Variants in MRPL10 observed in about 807,000 individuals in gnomAD.
MRPL10 encodes mitochondrial ribosomal protein L10, also known as large ribosomal subunit protein uL10m.
MRPL10 carries 14 observed loss-of-function variants against 19.8 expected under a neutral mutation model. The observed-to-expected ratio is 0.71, with a 90% CI of 0.47 to 1.11. MRPL10 has a LOEUF of 1.11. Ranked by LOEUF, MRPL10 falls within the 50% of genes least tolerant of loss-of-function variation. The pLI is 0.00. For missense variants in MRPL10, 318 were observed against 339.6 expected (o/e 0.94, Z 0.50); for synonymous variants, 129 against 139.2 (o/e 0.93, Z 0.52).
At chr17:47,831,428 G>A (rs1333324433) in intron 1 of MRPL10, 32 bp downstream of exon 1, 1 of 1,548,146 alleles carries the variant, frequency 6.5e-7, no homozygotes, top group Non-Finnish European at 8.7e-7. Context: ...GCGGCCGCAA[G>A]ACACGCCGTG....
intron 2 of MRPL10, among the ~76,000 whole-genome samples, chr17:47,827,894 C>CAA (rs60303077): frequency 0.042 from 1,913 of 45,696 alleles, 531 homozygotes; most frequent in African/African-American, 0.12. Flanking sequence ...CTCTGTCTCA[C>CAA]AAAAAAAAAA....
chr17:47,828,252 TA>T lies in MRPL10; in HGVS notation c.222+248del, dbSNP rs2033567203. The T allele has an allele frequency of 8.6e-6, 3 of 350,540 alleles. No homozygotes were observed. In the South Asian group the frequency reaches 3.5e-4, roughly 41 times the overall value. The allele number at this position is 350,540 out of a possible 1,614,324, so 21.7% of individuals were successfully genotyped here. On this transcript the variant is annotated intron_variant, in intron 2 of 4. Transcript: ENST00000351111. The stretch of plus-strand genomic sequence containing the variant: ...AGATACTCTCCCCAGCCCCACCTGC[TA>T]GGGTAGCTCTCACACACACATTTTT...
chr17:47,825,750 G>A (rs1417599974), intron 4 of MRPL10, among the ~76,000 whole-genome samples: 6 of 152,190 alleles, frequency 3.9e-5, no homozygotes, highest in Non-Finnish European at 8.8e-5. Flanking sequence ...TACTTAACAC[G>A]GAACTGTACA....
At position 47,828,557 on chromosome 17, in the gene MRPL10, G is replaced by T; in HGVS notation, c.166C>A (p.Pro56Thr). 1.3e-5 allele frequency: 20 copies of T among 1,496,672 alleles called. No individual in the cohort carries two copies. Among genetic ancestry groups the T allele is most frequent in the Non-Finnish European group, 1.8e-5 (20 of 1,127,574 alleles). The allele number at this position is 1,496,672 out of a possible 1,614,324, so 92.7% of individuals were successfully genotyped here. A position where few individuals can be genotyped will look rare whatever the true frequency, so the allele number is the denominator to read the frequency against. The part of the protein sequence containing the change: ...KLMAVTEYIP[P>T]KPAIHPSCLP... ...CATGATGGGTGGATGGCTGGTTTCG[G>T]GGGGATATATTCAGTCACAGCCATC... Residue 56 changes from proline to threonine, a missense_variant, in exon 2 of 5, where the codon CCG (proline) becomes ACG (threonine). Physicochemically the swap from Pro to Thr is conservative, Grantham distance 38 (BLOSUM62 -1). Transcript: ENST00000351111.
In MRPL10 at chr17:47,831,541, T is replaced by A. The variant is rs538445684; in HGVS notation, c.-30A>T. 1 of 1,545,502 alleles carries A rather than the reference T, an allele frequency of 6.5e-7. No homozygotes were observed. The highest frequency in any genetic ancestry group is 8.7e-7 in the Non-Finnish European group (1 of 1,143,756). ...ACCGGAAGAATGGACGGAAGCCGAG[T>A]GGAGACGGAAAGAGCTAAGGATTGT... On this transcript the variant is annotated 5_prime_UTR_variant, in exon 1 of 5. Coordinates refer to ENST00000351111, the MANE Select transcript of MRPL10 (RefSeq NM_145255.4).
chr17:47,830,650 C>A (rs2033614505), intron 1 of MRPL10, among the ~76,000 whole-genome samples: 1 of 152,104 alleles, frequency 6.6e-6, no homozygotes, highest in African/African-American at 2.4e-5. Flanking sequence ...GGACTACAGG[C>A]ACGCGCCACC....
chr17:47,831,259 G>A, intron 1 of MRPL10: 1 of 1,432,526 alleles, frequency 7.0e-7, no homozygotes, highest in East Asian at 2.5e-5. Context: ...AGTGGTCCAG[G>A]CAAAAGAAAC....
chr17:47,828,653 G>A lies in MRPL10; in HGVS notation c.70C>T (p.Gln24Ter). Residue 24 changes from glutamine (Q) to a stop codon, truncating the protein, a stop_gained, in exon 2 of 5, where the codon CAG becomes TAG. Coordinates refer to ENST00000351111, the MANE Select transcript of MRPL10 (RefSeq NM_145255.4). LOFTEE classifies it high-confidence loss of function. ...GCCTTGGAGCCATAGCGGACAGTCT[G>A]GAGGGTAGGCAGCCGGCCTGGGAGG... is the stretch of plus-strand genomic sequence containing the variant. ...LPQAGRLPTL[Q>*]TVRYGSKAVT... is the part of the protein sequence containing the mutation. 1.3e-6 allele frequency: 2 copies of A among 1,518,480 alleles called. No individual in the cohort carries two copies. The highest frequency in any genetic ancestry group is 1.7e-6 in the Non-Finnish European group (2 of 1,144,378). 94.1% of individuals were successfully genotyped at this position (1,518,480 alleles called of 1,614,324 possible). A position where few individuals can be genotyped will look rare whatever the true frequency, so the allele number is the denominator to read the frequency against.
chr17:47,826,738 A>G lies in MRPL10; in HGVS notation c.431T>C (p.Leu144Pro). The G allele has an allele frequency of 6.2e-7, 1 of 1,614,226 alleles. No homozygotes were observed. The highest frequency in any genetic ancestry group is 8.5e-7 in the Non-Finnish European group (1 of 1,180,038). Residue 144 changes from leucine (L) to proline (P), a missense_variant, in exon 4 of 5, where the codon CTG becomes CCG. By Grantham distance (98) the Leu-to-Pro change is moderately conservative. Coordinates refer to ENST00000351111, the MANE Select transcript of MRPL10 (RefSeq NM_145255.4). ...FLEDSKYQNL[L>P]PLFVGHNMLL... Reference sequence around the variant, plus strand: ...CATGTTGTGCCCCACAAAAAGGGGCAGCAGATTTTGGTACTTGGAATCCTC... The same window carrying G: ...CATGTTGTGCCCCACAAAAAGGGGCGGCAGATTTTGGTACTTGGAATCCTC...
chr17:47,831,289 T>C (rs2033625794), intron 1 of MRPL10, 171 bp downstream of exon 1: 4 of 1,514,356 alleles, frequency 2.6e-6, no homozygotes, highest in Non-Finnish European at 2.6e-6. Flanking sequence ...AGACAACATC[T>C]GGACGTTGTT....
rs199734427 is a variant in MRPL10, at chr17:47,828,667, C to T, written c.56G>A (p.Arg19Gln). ...LRGGLLPQAG[R>Q]LPTLQTVRYG... Reference sequence around the variant, plus strand: ...GCGGACAGTCTGGAGGGTAGGCAGCCGGCCTGGGAGGGCATATAGCAACAT... The same window carrying T: ...GCGGACAGTCTGGAGGGTAGGCAGCTGGCCTGGGAGGGCATATAGCAACAT... Residue 19 changes from arginine to glutamine, a missense_variant, in exon 2 of 5, where the codon CGG (arginine) becomes CAG (glutamine). Transcript: ENST00000351111. 57 of 1,512,568 alleles carry T rather than the reference C, an allele frequency of 3.8e-5. No individual in the cohort carries two copies. Among genetic ancestry groups the T allele is most frequent in the Non-Finnish European group, 4.6e-5 (53 of 1,142,200 alleles). 93.7% of individuals were successfully genotyped at this position (1,512,568 alleles called of 1,614,324 possible).
chr17:47,826,592 G>A lies in MRPL10; in HGVS notation c.532+45C>T, dbSNP rs2033535961. On this transcript the variant is annotated intron_variant, in intron 4 of 4. Transcript: ENST00000351111. ...AAGACAAGCCTAGCAGATGGCAGCA[G>A]GCCCCTCTTCACCCCACCCCTAACT... The A allele has an allele frequency of 2.5e-6, 4 of 1,607,630 alleles. No homozygotes were observed. The East Asian group carries it at 8.9e-5, about 36-fold the overall frequency.
At chr17:47,831,360 T>C in intron 1 of MRPL10, 100 bp downstream of exon 1, 2 of 1,540,870 alleles carry the variant, frequency 1.3e-6, no homozygotes, top group Non-Finnish European at 1.7e-6. Context: ...GCGATCTAGC[T>C]GGGGTCAGAG....
chr17:47,828,756 C>T, intron 1 of MRPL10, 86 bp from the exon 2 acceptor site: 1 of 1,091,954 alleles, frequency 9.2e-7, no homozygotes, highest in Non-Finnish European at 1.2e-6. Context: ...CACCCTCTAG[C>T]AGAGAAAAGC....
Position 47,831,470 on chromosome 17 carries a change from C to T in MRPL10, c.42G>A (p.Leu14=), listed in dbSNP as rs556023849. 6.5e-7 allele frequency: 1 copy of T among 1,548,966 alleles called. No homozygotes were observed. Among genetic ancestry groups the T allele is most frequent in the Middle Eastern group, 1.7e-4 (1 of 5,798 alleles). ...TGGGCCACTCCTTACCCGCCTGGGG[C>T]AGGAGACCCCCTCGCAGCATCCCCG... ...AVAGMLRGGL[L]PQAGRLPTLQ... Residue 14 remains leucine (L), a synonymous_variant, in exon 1 of 5, where the codon CTG becomes CTA. Transcript: ENST00000351111.
rs757196010 is a variant in MRPL10, at chr17:47,826,727, C to T, written c.442G>A (p.Val148Met). The stretch of plus-strand genomic sequence containing the variant: ...CTGACCAGCAGCATGTTGTGCCCCA[C>T]AAAAAGGGGCAGCAGATTTTGGTAC... ...SKYQNLLPLF[V>M]GHNMLLVSEE... The change falls in exon 4 of 5, where the codon GTG becomes ATG. Residue 148 changes from valine to methionine, a missense_variant. Val to Met is a conservative substitution (Grantham distance 21, BLOSUM62 1). Transcript: ENST00000351111. The T allele has an allele frequency of 1.9e-6, 3 of 1,614,144 alleles. No homozygotes were observed. Among genetic ancestry groups the T allele is most frequent in the Admixed American group, 3.3e-5 (2 of 60,014 alleles).
intron 1 of MRPL10, 33 bp downstream of exon 1, chr17:47,831,427 A>T: frequency 6.5e-7 from 1 of 1,548,184 alleles, no homozygotes; most frequent in Non-Finnish European, 8.7e-7. Context: ...AGCGGCCGCA[A>T]GACACGCCGT....
chr17:47,827,329 T>C, intron 2 of MRPL10, 125 bp from the exon 3 acceptor site: 1 of 738,440 alleles, frequency 1.4e-6, no homozygotes, highest in Non-Finnish European at 2.2e-6. Flanking sequence ...GGGGAACAAG[T>C]AGGATAACTG....
intron 2 of MRPL10, among the ~76,000 whole-genome samples, chr17:47,827,850 G>C (rs556357711): frequency 1.6e-5 from 2 of 121,736 alleles, no homozygotes; most frequent in South Asian, 5.7e-4. Flanking sequence ...TGAGCCAAGA[G>C]TGTCCCACTG....
Sources: allele counts gnomAD v4.1 joint callset (sites outside exome capture counted in the v4.1 genomes callset), GRCh38; gene constraint gnomAD v4.1.1; transcripts MANE v1.5; gene names NCBI Gene and HGNC (gene_info 2026-07-23, HGNC 2026-07-21).